Variants in SLC44A5 observed in about 807,000 individuals in gnomAD.
The protein encoded by SLC44A5 is solute carrier family 44 member 5.
Under a neutral mutation model 101.8 loss-of-function variants are expected in SLC44A5, and 57 were observed. The ratio of observed to expected loss-of-function variants is 0.56; its 90% CI spans 0.45 to 0.70. SLC44A5 has a LOEUF of 0.70. SLC44A5 is among the 30% of genes least tolerant of loss of function. The pLI is 0.00. For missense variants in SLC44A5, 737 were observed against 853.1 expected (o/e 0.86, Z 1.70); for synonymous variants, 281 against 290.9 (o/e 0.97, Z 0.35).
intron 2 of SLC44A5, among the ~76,000 whole-genome samples, chr1:75,477,058 T>G (rs1480611989): frequency 6.6e-6 from 1 of 152,014 alleles, no homozygotes; most frequent in African/African-American, 2.4e-5. Context: ...AGACAAAACT[T>G]CCAGAGAAAC....
intron 2 of SLC44A5, among the ~76,000 whole-genome samples, chr1:75,400,659 CT>C (rs1449325657): frequency 6.6e-6 from 1 of 152,188 alleles, no homozygotes. Context: ...AAAGTCTGGG[CT>C]TCTGCCTTAG....
chr1:75,689,345 T>C, the SLC44A5 span, among the ~76,000 whole-genome samples: 1 of 152,126 alleles, frequency 6.6e-6, no homozygotes, highest in Non-Finnish European at 1.5e-5. Flanking sequence ...AAACTGGAAG[T>C]AAAATATCTG....
At chr1:75,659,497 G>GAAGGAAGGAAGGAAGA in the SLC44A5 span, among the ~76,000 whole-genome samples, 5 of 44,686 alleles carry the variant, frequency 1.1e-4, no homozygotes, top group South Asian at 1.3e-3. Context: ...AGGAAGGCAG[G>GAAGGAAGGAAGGAAGA]CAGGCAGGCA....
At chr1:75,618,295 AG>A in the SLC44A5 span, among the ~76,000 whole-genome samples, 1 of 152,206 alleles carries the variant, frequency 6.6e-6, no homozygotes, top group East Asian at 1.9e-4. Context: ...ATCTCAATTA[AG>A]GTCATGACAA....
intron 11 of SLC44A5, among the ~76,000 whole-genome samples, 154 bp from the exon 12 acceptor site, chr1:75,234,252 C>A (rs1647868419): frequency 6.6e-6 from 1 of 152,010 alleles, no homozygotes; most frequent in South Asian, 2.1e-4. Context: ...AAAGTGTAAA[C>A]AATGATTTCC....
At chr1:75,668,189 G>A in the SLC44A5 span, among the ~76,000 whole-genome samples, 8 of 151,972 alleles carry the variant, frequency 5.3e-5, no homozygotes, top group East Asian at 1.2e-3. Context: ...ATCACTCCAG[G>A]TATAAGATAA....
intron 1 of SLC44A5, among the ~76,000 whole-genome samples, chr1:75,573,404 C>T (rs758409763): frequency 1.3e-5 from 2 of 151,892 alleles, no homozygotes; most frequent in Non-Finnish European, 1.5e-5. Flanking sequence ...AACAGTTAAA[C>T]GTTGGCCACC....
chr1:75,442,406 C>G (rs922272766), intron 2 of SLC44A5, among the ~76,000 whole-genome samples: 2 of 152,128 alleles, frequency 1.3e-5, no homozygotes, highest in Admixed American at 6.6e-5. Context: ...TCAGGTTCCT[C>G]TGAGACCTCT....
chr1:75,582,514 A>G, intron 1 of SLC44A5: 1 of 569,586 alleles, frequency 1.8e-6, no homozygotes, highest in African/African-American at 1.9e-5. Context: ...CTTCAATTCC[A>G]GCTCAGGCTC....
intron 1 of SLC44A5, among the ~76,000 whole-genome samples, chr1:75,574,147 G>A (rs1341300724): frequency 6.6e-6 from 1 of 152,118 alleles, no homozygotes; most frequent in South Asian, 2.1e-4. Flanking sequence ...TGGAACTAGA[G>A]GACAAAAATA....
intron 1 of SLC44A5, among the ~76,000 whole-genome samples, chr1:75,608,100 T>C (rs1029900164): frequency 5.9e-5 from 9 of 152,058 alleles, no homozygotes; most frequent in Non-Finnish European, 2.9e-5. Flanking sequence ...ATACAGTATT[T>C]TTCTTTTTGT....
the SLC44A5 span, among the ~76,000 whole-genome samples, chr1:75,677,144 T>TA: frequency 6.6e-6 from 1 of 151,800 alleles, no homozygotes; most frequent in Non-Finnish European, 1.5e-5. Flanking sequence ...TAATGAGCAA[T>TA]AAAAAATCAT....
At chr1:75,228,937 A>G (rs1444360168) in intron 12 of SLC44A5, among the ~76,000 whole-genome samples, 2 of 151,686 alleles carry the variant, frequency 1.3e-5, no homozygotes, top group African/African-American at 4.8e-5. Context: ...TTAGTGTCCA[A>G]TGTCTAAAGC....
intron 18 of SLC44A5, 120 bp downstream of exon 18, chr1:75,217,746 C>T (rs537979973): frequency 2.7e-5 from 19 of 700,104 alleles, no homozygotes; most frequent in African/African-American, 5.4e-5. Flanking sequence ...CAGAACAGAA[C>T]GGGTCCCAAA....
chr1:75,532,975 T>C (rs1244971057), intron 2 of SLC44A5, among the ~76,000 whole-genome samples: 2 of 152,256 alleles, frequency 1.3e-5, no homozygotes. Context: ...CAATCTAAAC[T>C]TTCCTTATTG....
intron 14 of SLC44A5, among the ~76,000 whole-genome samples, chr1:75,222,062 G>A (rs1371653648): frequency 6.6e-6 from 1 of 150,780 alleles, no homozygotes; most frequent in African/African-American, 2.4e-5. Flanking sequence ...CGGTTCAAGT[G>A]ATTCTCCTGC....
upstream of SLC44A5, among the ~76,000 whole-genome samples, chr1:75,615,428 C>CAT (rs746762553): frequency 0.22 from 20,544 of 92,292 alleles, 1,587 homozygotes; most frequent in Admixed American, 0.33. Flanking sequence ...CACACACACA[C>CAT]ACATACATAC....
At chr1:75,539,600 A>T (rs891753345) in intron 2 of SLC44A5, among the ~76,000 whole-genome samples, 3 of 151,450 alleles carry the variant, frequency 2.0e-5, no homozygotes, top group Admixed American at 6.6e-5. Flanking sequence ...GCAAAAAAAA[A>T]ATGGAATTTA....
At chr1:75,557,731 A>G (rs1048796071) in intron 1 of SLC44A5, among the ~76,000 whole-genome samples, 1 of 152,120 alleles carries the variant, frequency 6.6e-6, no homozygotes, top group African/African-American at 2.4e-5. Flanking sequence ...TAGTATACTT[A>G]GTGTCTGTCC....
Sources: allele counts gnomAD v4.1 joint callset (sites outside exome capture counted in the v4.1 genomes callset), GRCh38; gene constraint gnomAD v4.1.1; transcripts MANE v1.5; gene names NCBI Gene and HGNC (gene_info 2026-07-23, HGNC 2026-07-21).